TVP23A: variants seen among roughly 807,000 people sequenced by gnomAD.
TVP23A encodes trans-golgi network vesicle protein 23 homolog A, also known as Golgi apparatus membrane protein TVP23 homolog A.
In TVP23A, 21 loss-of-function variants were observed where a neutral mutation model predicts 31.7. That is an observed-to-expected ratio of 0.66 (90% CI 0.47 to 0.95). The LOEUF is 0.95. Ranked by LOEUF, TVP23A falls within the 40% of genes least tolerant of loss-of-function variation. The pLI is 0.00. For missense variants in TVP23A, 279 were observed against 255.6 expected (o/e 1.09, Z -0.62); for synonymous variants, 104 against 96.0 (o/e 1.08, Z -0.49).
chr16:10,803,497 G>C (rs568625180), intron 2 of TVP23A, among the ~76,000 whole-genome samples: 22 of 152,202 alleles, frequency 1.4e-4, no homozygotes, highest in African/African-American at 4.1e-4. Context: ...CTCAGGAGTG[G>C]TTTCGACCCA....
intron 2 of TVP23A, among the ~76,000 whole-genome samples, chr16:10,804,678 C>T (rs527991255): frequency 3.3e-5 from 5 of 152,206 alleles, no homozygotes; most frequent in South Asian, 2.1e-4. Context: ...CCCAGGAGCT[C>T]GAGGCTGCTG....
chr16:10,796,392 G>A (rs911112681), intron 2 of TVP23A, among the ~76,000 whole-genome samples: 14 of 151,924 alleles, frequency 9.2e-5, no homozygotes, highest in African/African-American at 3.4e-4. Flanking sequence ...AGAGAGGAGA[G>A]GGTGAGAAGC....
rs1446945213 is a variant in TVP23A at position 10,766,961 on chromosome 16, G to C, written c.*2141C>G. On this transcript the variant is annotated 3_prime_UTR_variant, in exon 8 of 8. Transcript: ENST00000299866. This position sits in a 1 kb window ranked among gnomAD's most constrained non-coding sequence, Gnocchi z 4.8. ...TTTTCCTGACTCACTGGGCCATATG[G>C]GCTCCCCATCTCCCACCAACCCCTC... 1 of 398,542 alleles carries C rather than the reference G, an allele frequency of 2.5e-6. No individual in the cohort carries two copies. Among genetic ancestry groups the C allele is most frequent in the Admixed American group, 4.4e-5 (1 of 22,706 alleles). The allele number at this position is 398,542 out of a possible 1,614,324, so 24.7% of individuals were successfully genotyped here. A position where few individuals can be genotyped will look rare whatever the true frequency, so the allele number is the denominator to read the frequency against.
intron 2 of TVP23A, among the ~76,000 whole-genome samples, chr16:10,784,073 G>T (rs2032586597): frequency 6.6e-6 from 1 of 152,130 alleles, no homozygotes; most frequent in Middle Eastern, 3.4e-3. Flanking sequence ...GCTCATGCCT[G>T]CCTACAATCC....
intron 2 of TVP23A, among the ~76,000 whole-genome samples, chr16:10,794,837 T>A (rs2033298493): frequency 6.6e-6 from 1 of 151,884 alleles, no homozygotes. Flanking sequence ...AGTGGCAGAA[T>A]CAACAGGAGG....
downstream of TVP23A, chr16:10,757,818 G>C: frequency 1.9e-6 from 3 of 1,582,498 alleles, no homozygotes; most frequent in Non-Finnish European, 2.6e-6. The surrounding 1 kb of genome is among the most constrained non-coding windows in gnomAD (Gnocchi z 4.1). Flanking sequence ...AGAGGGAGTT[G>C]AAAGTACAGA....
chr16:10,817,961 TTGTC>T (rs1435638427), intron 2 of TVP23A, 138 bp downstream of exon 2: 2 of 715,780 alleles, frequency 2.8e-6, no homozygotes, highest in Admixed American at 2.2e-5. Context: ...GGCAGGGACT[TTGTC>T]TGATGTGTCC....
At chr16:10,784,571 AAT>A (rs2032630164) in intron 2 of TVP23A, among the ~76,000 whole-genome samples, 3 of 151,878 alleles carry the variant, frequency 2.0e-5, no homozygotes, top group African/African-American at 7.3e-5. Context: ...AAAAAAAATA[AAT>A]AAATAAAGAA....
chr16:10,787,915 C>T (rs952468098), intron 2 of TVP23A, among the ~76,000 whole-genome samples: 3 of 152,024 alleles, frequency 2.0e-5, no homozygotes, highest in Non-Finnish European at 4.4e-5. Flanking sequence ...CGTCAGATGC[C>T]GGAGGCTTTC....
At chr16:10,786,908 G>A (rs1001169776) in intron 2 of TVP23A, among the ~76,000 whole-genome samples, 1 of 151,862 alleles carries the variant, frequency 6.6e-6, no homozygotes, top group African/African-American at 2.4e-5. Context: ...TGATATTCTG[G>A]GTACCTAGAT....
At chr16:10,811,133 C>A (rs2034177937) in intron 2 of TVP23A, among the ~76,000 whole-genome samples, 1 of 152,128 alleles carries the variant, frequency 6.6e-6, no homozygotes, top group African/African-American at 2.4e-5. Flanking sequence ...GGGTACAGGG[C>A]TCCCATTTGG....
chr16:10,792,057 G>A (rs979152433), intron 2 of TVP23A, among the ~76,000 whole-genome samples: 1 of 152,196 alleles, frequency 6.6e-6, no homozygotes, highest in Non-Finnish European at 1.5e-5. Context: ...CAATCTGTGT[G>A]CCCTATGTAA....
Position 10,767,209 on chromosome 16 carries a change from C to T in TVP23A, c.*1893G>A, listed in dbSNP as rs1211353801. ...AGGTCCACCCACGACTGGGGGCTGG[C>T]AGGGCAGACTGGAGGCGAGAACACC... On this transcript the variant is annotated 3_prime_UTR_variant, in exon 8 of 8. Transcript: ENST00000299866. The surrounding 1 kb of genome is among the most constrained non-coding windows in gnomAD (Gnocchi z 4.6). 4 of 399,794 alleles carry T rather than the reference C, an allele frequency of 1.0e-5. No individual in the cohort carries two copies. Among genetic ancestry groups the T allele is most frequent in the Non-Finnish European group, 1.8e-5 (4 of 227,202 alleles). 24.8% of individuals were successfully genotyped at this position (399,794 alleles called of 1,614,324 possible). A position where few individuals can be genotyped will look rare whatever the true frequency, so the allele number is the denominator to read the frequency against.
intron 2 of TVP23A, among the ~76,000 whole-genome samples, chr16:10,816,827 AC>A (rs1168714950): frequency 6.6e-6 from 1 of 152,048 alleles, no homozygotes. Context: ...TACATATGTA[AC>A]GAACCTTCAC....
At chr16:10,813,957 CCACTG>C (rs2034316752) in intron 2 of TVP23A, among the ~76,000 whole-genome samples, 1 of 143,756 alleles carries the variant, frequency 7.0e-6, no homozygotes, top group South Asian at 2.2e-4. Context: ...CGAGATCGCA[CCACTG>C]CACTCCAGCC....
intron 2 of TVP23A, among the ~76,000 whole-genome samples, chr16:10,784,866 C>T (rs1005690265): frequency 1.3e-5 from 2 of 151,986 alleles, no homozygotes; most frequent in East Asian, 1.9e-4. Context: ...TTTGGGAGGC[C>T]GAGACAAGTG....
chr16:10,810,407 C>A (rs986472026), intron 2 of TVP23A, among the ~76,000 whole-genome samples: 1 of 151,694 alleles, frequency 6.6e-6, no homozygotes, highest in Non-Finnish European at 1.5e-5. Flanking sequence ...ATTAGGCAGG[C>A]GTGGTGGTGC....
At chr16:10,781,768 C>T (rs1271053310) in intron 2 of TVP23A, among the ~76,000 whole-genome samples, 2 of 145,162 alleles carry the variant, frequency 1.4e-5, no homozygotes, top group Non-Finnish European at 3.0e-5. Context: ...TGAGGGAAAA[C>T]AAAAAGAAAA....
chr16:10,758,132 T>G, downstream of TVP23A: 1 of 1,333,426 alleles, frequency 7.5e-7, no homozygotes, highest in South Asian at 1.3e-5. Flanking sequence ...CTCTTCCCAG[T>G]GTGTGTTCCG....
Sources: allele counts gnomAD v4.1 joint callset (sites outside exome capture counted in the v4.1 genomes callset), GRCh38; gene constraint gnomAD v4.1.1; non-coding constraint Gnocchi (gnomAD v3.1); transcripts MANE v1.5; gene names NCBI Gene and HGNC (gene_info 2026-07-23, HGNC 2026-07-21).